Variants in DNM1 observed in about 807,000 individuals in gnomAD.
The protein encoded by DNM1 is dynamin-1.
A neutral mutation model predicts 104.6 loss-of-function variants in DNM1; 29 were observed. That is an observed-to-expected ratio of 0.28 (90% CI 0.21 to 0.38). The LOEUF is 0.38. Ranked by LOEUF, DNM1 falls within the 10% of genes least tolerant of loss-of-function variation. The pLI is 1.00. For synonymous variants in DNM1, 445 were observed against 475.8 expected, an observed-to-expected ratio of 0.94 and a Z score of 0.84; for missense variants, 640 against 1,189.4, an observed-to-expected ratio of 0.54 and a Z score of 6.79.
Position 128,245,014 on chromosome 9 carries a change from G to A in DNM1, c.1672-1380G>A. 2 of 287,004 alleles carry A rather than the reference G, an allele frequency of 7.0e-6. No individual in the cohort carries two copies. Among genetic ancestry groups the A allele is most frequent in the Middle Eastern group, 1.4e-3 (2 of 1,446 alleles). 17.8% of individuals were successfully genotyped at this position (287,004 alleles called of 1,614,324 possible). On this transcript the variant is annotated intron_variant, in intron 15 of 21. Coordinates refer to ENST00000372923, the MANE Select transcript of DNM1 (RefSeq NM_004408.4). This position sits in a 1 kb window ranked among gnomAD's most constrained non-coding sequence, Gnocchi z 5.2. ...GTGGCAGGGGTGAGCGGGAGCTGGG[G>A]CTGAGAAGGAGGGGCCTGAGGAGGG...
chr9:128,224,398 G>A lies in DNM1; in HGVS notation c.1335+9G>A. 1.2e-6 allele frequency: 2 copies of A among 1,606,054 alleles called. No homozygotes were observed. Among genetic ancestry groups the A allele is most frequent in the Non-Finnish European group, 1.7e-6 (2 of 1,174,844 alleles). ...GACAGTGCACCAAGAAGGTAACCCG[G>A]AGGCCCGGGCCAGCCCCCACCGCCT... is the stretch of plus-strand genomic sequence containing the variant. On this transcript the variant is annotated intron_variant, in intron 10 of 21. Coordinates refer to ENST00000372923, the MANE Select transcript of DNM1 (RefSeq NM_004408.4). The surrounding 1 kb of genome is among the most constrained non-coding windows in gnomAD (Gnocchi z 4.3).
At chr9:128,251,101 G>T in intron 21 of DNM1, 161 bp downstream of exon 21, 1 of 657,458 alleles carries the variant, frequency 1.5e-6, no homozygotes, top group Non-Finnish European at 2.7e-6. Context: ...GTGTGGCCGA[G>T]GGCTGGCGGA....
chr9:128,251,267 T>G, intron 21 of DNM1: 1 of 510,036 alleles, frequency 2.0e-6, no homozygotes, highest in Non-Finnish European at 3.8e-6. Context: ...TTCCTCCTCC[T>G]TTCTTCTTCT....
rs910933152 is a variant in DNM1, at chr9:128,255,148, A to G, written c.*434A>G. The G allele has an allele frequency of 5.9e-6, 1 of 169,740 alleles. No individual in the cohort carries two copies. The highest frequency in any genetic ancestry group is 2.4e-5 in the African/African-American group (1 of 41,506). The allele number at this position is 169,740 out of a possible 1,614,324, so 10.5% of individuals were successfully genotyped here. On this transcript the variant is annotated 3_prime_UTR_variant, in exon 22 of 22. Coordinates refer to ENST00000372923, the MANE Select transcript of DNM1 (RefSeq NM_004408.4). ...CCATCCCTCCCACCCCCTACCAAGC[A>G]TGGGGGTGCTGTGCAGGCAGCCGTG...
At position 128,203,647 on chromosome 9, in the gene DNM1, C is replaced by A; in HGVS notation, c.161+16C>A. ...TCGTAGGCAGGTAGGCGCGGCGCGC[C>A]CCCAGGCGCCGACCCCCGACCCCCG... On this transcript the variant is annotated intron_variant, in intron 1 of 21. Coordinates refer to ENST00000372923, the MANE Select transcript of DNM1 (RefSeq NM_004408.4). This position sits in a 1 kb window ranked among gnomAD's most constrained non-coding sequence, Gnocchi z 5.3. The A allele has an allele frequency of 6.6e-7, 1 of 1,507,118 alleles. No individual in the cohort carries two copies. 93.4% of individuals were successfully genotyped at this position (1,507,118 alleles called of 1,614,324 possible).
rs966767806 is a variant in DNM1 at position 128,220,790 on chromosome 9, T to C, written c.849+449T>C. ...GTGTCTGTCTGACTGTCTGTCTGTG[T>C]AGGCAAGACCTGGTTTCCAATCCCA... On this transcript the variant is annotated intron_variant, in intron 6 of 21. Transcript: ENST00000372923. The surrounding 1 kb of genome is among the most constrained non-coding windows in gnomAD (Gnocchi z 5.2). Among the ~76,000 whole-genome samples, 1 of 151,564 alleles carries C rather than the reference T, an allele frequency of 6.6e-6. No homozygotes were observed. Among genetic ancestry groups the C allele is most frequent in the Admixed American group, 6.6e-5 (1 of 15,228 alleles).
rs545443150 is a variant in DNM1, at chr9:128,247,617, C to G, written c.1893+131C>G. On this transcript the variant is annotated intron_variant, in intron 17 of 21. Coordinates refer to ENST00000372923, the MANE Select transcript of DNM1 (RefSeq NM_004408.4). The surrounding 1 kb of genome is among the most constrained non-coding windows in gnomAD (Gnocchi z 5.1). ...CTCAGAAATAATAGGAATCCTCCCC[C>G]CTACCCACTCTGGGGGTGGGAACAG... 1.5e-5 allele frequency: 12 copies of G among 788,660 alleles called. No homozygotes were observed. Among genetic ancestry groups the G allele is most frequent in the Admixed American group, 1.0e-4 (4 of 40,072 alleles). The allele number at this position is 788,660 out of a possible 1,614,324, so 48.9% of individuals were successfully genotyped here. A position where few individuals can be genotyped will look rare whatever the true frequency, so the allele number is the denominator to read the frequency against.
chr9:128,248,148 GA>G lies in DNM1; in HGVS notation c.1905+216del. ...TCGAGACCAGCCTGGCCAACACGGT[GA>G]AACCCCACCTCTACTAAAAATACAA... On this transcript the variant is annotated intron_variant, in intron 18 of 21. Transcript: ENST00000372923. This position sits in a 1 kb window ranked among gnomAD's most constrained non-coding sequence, Gnocchi z 5.6. 1 of 621,276 alleles carries G rather than the reference GA, an allele frequency of 1.6e-6. No individual in the cohort carries two copies. The highest frequency in any genetic ancestry group is 2.9e-6 in the Non-Finnish European group (1 of 349,044). The allele number at this position is 621,276 out of a possible 1,614,324, so 38.5% of individuals were successfully genotyped here.
chr9:128,252,871 C>A (rs1374036277), intron 21 of DNM1: 3 of 684,870 alleles, frequency 4.4e-6, no homozygotes, highest in East Asian at 2.7e-5. Context: ...TGCCCCAGAT[C>A]CATGCTGCAC....
intron 11 of DNM1, among the ~76,000 whole-genome samples, chr9:128,238,543 T>C (rs1836155093): frequency 6.6e-6 from 1 of 152,144 alleles, no homozygotes; most frequent in African/African-American, 2.4e-5. Context: ...ATTTTTAACT[T>C]ACATTTCTTT....
Position 128,222,973 on chromosome 9 carries a change from C to A in DNM1, c.1196+113C>A. 1 of 1,082,368 alleles carries A rather than the reference C, an allele frequency of 9.2e-7. No homozygotes were observed. The highest frequency in any genetic ancestry group is 1.4e-6 in the Non-Finnish European group (1 of 728,722). 67.0% of individuals were successfully genotyped at this position (1,082,368 alleles called of 1,614,324 possible). A position where few individuals can be genotyped will look rare whatever the true frequency, so the allele number is the denominator to read the frequency against. ...TCAGGAAGGACTGAAAGCTCTGTTC[C>A]CCAGTCCTCTCGACCCCAACTTTCT... On this transcript the variant is annotated intron_variant, in intron 9 of 21. Transcript: ENST00000372923. The surrounding 1 kb of genome is among the most constrained non-coding windows in gnomAD (Gnocchi z 7.8).
Position 128,218,671 on chromosome 9 carries a change from A to T in DNM1, c.325A>T (p.Thr109Ser). The change falls in exon 3 of 22, where the codon ACC becomes TCC. Residue 109 changes from threonine to serine, a missense_variant. Around this residue, in one of 7 missense-constraint regions of DNM1, gnomAD observed 172 missense variants for 335.3 expected, o/e 0.51. Transcript: ENST00000372923. The surrounding 1 kb of genome is among the most constrained non-coding windows in gnomAD (Gnocchi z 4.8). Reference protein sequence around the residue: ...LEIEAETDRVTGTNKGISPVP... With the variant: ...LEIEAETDRVSGTNKGISPVP... Reference sequence around the variant, plus strand: ...GATCGAGGCCGAGACCGACAGGGTCACCGGCACCAACAAGGGCATCTCGCC... The same window carrying T: ...GATCGAGGCCGAGACCGACAGGGTCTCCGGCACCAACAAGGGCATCTCGCC... The T allele has an allele frequency of 6.2e-7, 1 of 1,613,216 alleles. No individual in the cohort carries two copies. The highest frequency in any genetic ancestry group is 2.2e-5 in the East Asian group (1 of 44,832).
chr9:128,233,675 C>T lies in DNM1; in HGVS notation c.1336-346C>T, dbSNP rs547618306. 3.7e-5 allele frequency: 12 copies of T among 323,434 alleles called. No homozygotes were observed. In the South Asian group the frequency reaches 3.9e-4, roughly 10 times the overall value. The allele number at this position is 323,434 out of a possible 1,614,324, so 20.0% of individuals were successfully genotyped here. Reference sequence around the variant, plus strand: ...AGGGAACACCTTGGGAGCTAACGGTCCCCAGAGGCCTTAACCTAACCAGTC... The same window carrying T: ...AGGGAACACCTTGGGAGCTAACGGTTCCCAGAGGCCTTAACCTAACCAGTC... On this transcript the variant is annotated intron_variant, in intron 10 of 21. Transcript: ENST00000372923.
At chr9:128,215,654 G>A (rs1202869644) in intron 1 of DNM1, among the ~76,000 whole-genome samples, 3 of 152,100 alleles carry the variant, frequency 2.0e-5, no homozygotes, top group South Asian at 2.1e-4. Flanking sequence ...CCCCACACCC[G>A]CTATGTGGCA....
chr9:128,218,920 C>A lies in DNM1; in HGVS notation c.386-129C>A. The A allele has an allele frequency of 7.7e-7, 1 of 1,302,060 alleles. No individual in the cohort carries two copies. 80.7% of individuals were successfully genotyped at this position (1,302,060 alleles called of 1,614,324 possible). On this transcript the variant is annotated intron_variant, in intron 3 of 21. Coordinates refer to ENST00000372923, the MANE Select transcript of DNM1 (RefSeq NM_004408.4). The surrounding 1 kb of genome is among the most constrained non-coding windows in gnomAD (Gnocchi z 4.8). Reference sequence around the variant, plus strand: ...CCTCCAACAGACTGCCACTTTCGCCCTGAGATTTCCTAGTCCCACCCACCT... The same window carrying A: ...CCTCCAACAGACTGCCACTTTCGCCATGAGATTTCCTAGTCCCACCCACCT...
rs1003737693 is a variant in DNM1, at chr9:128,218,954, G to A, written c.386-95G>A. 4 of 1,442,628 alleles carry A rather than the reference G, an allele frequency of 2.8e-6. No homozygotes were observed. The highest frequency in any genetic ancestry group is 2.8e-5 in the African/African-American group (2 of 71,556). 89.4% of individuals were successfully genotyped at this position (1,442,628 alleles called of 1,614,324 possible). A position where few individuals can be genotyped will look rare whatever the true frequency, so the allele number is the denominator to read the frequency against. ...CCTAGTCCCACCCACCTGCCACCCT[G>A]CTCCCAAGCAGCTTCTCTAACCCCG... is the stretch of plus-strand genomic sequence containing the variant. On this transcript the variant is annotated intron_variant, in intron 3 of 21. Coordinates refer to ENST00000372923, the MANE Select transcript of DNM1 (RefSeq NM_004408.4). This position sits in a 1 kb window ranked among gnomAD's most constrained non-coding sequence, Gnocchi z 4.8.
At chr9:128,231,558 A>C (rs1835697116) in intron 10 of DNM1, among the ~76,000 whole-genome samples, 1 of 149,898 alleles carries the variant, frequency 6.7e-6, no homozygotes, top group African/African-American at 2.5e-5. Context: ...TATAGGCAAA[A>C]CTCACCTTTG....
intron 21 of DNM1, chr9:128,251,643 CG>C (rs200141172): frequency 0.12 from 19,010 of 153,574 alleles, 1,430 homozygotes; most frequent in East Asian, 0.18. Flanking sequence ...CCACCCCCTC[CG>C]CGACTTCTGG....
At chr9:128,231,986 C>G (rs1564340173) in intron 10 of DNM1, 5 of 456,576 alleles carry the variant, frequency 1.1e-5, no homozygotes, top group Non-Finnish European at 1.8e-5. Flanking sequence ...TTTTGAAAAG[C>G]TGGCGGAACA....
Sources: gnomAD v4.1 joint callset for allele counts (sites outside exome capture counted in the v4.1 genomes callset) on GRCh38, gnomAD v4.1.1 for gene constraint, gnomAD v4.1.1 regional missense constraint, Gnocchi (gnomAD v3.1) non-coding constraint, MANE v1.5 for transcripts, NCBI Gene and HGNC (gene_info 2026-07-23, HGNC 2026-07-21) for gene names.